SMARCB1: variants seen among roughly 807,000 people sequenced by gnomAD.
The protein encoded by SMARCB1 is SWI/SNF-related matrix-associated actin-dependent regulator of chromatin subfamily B member 1.
In SMARCB1, 5 loss-of-function variants were observed where a neutral mutation model predicts 49.0. That is an observed-to-expected ratio of 0.10 (90% CI 0.05 to 0.21). The LOEUF (loss-of-function observed/expected upper bound fraction) is 0.21. SMARCB1 is among the 10% of genes least tolerant of loss of function. The probability of loss-of-function intolerance (pLI) is 1.00; values close to 1 mark genes in which losing one functional copy is unlikely to be tolerated. For missense variants in SMARCB1, 226 were observed against 509.2 expected (o/e 0.44, Z 5.35); for synonymous variants, 201 against 200.1 (o/e 1.00, Z -0.04).
intron 3 of SMARCB1, among the ~76,000 whole-genome samples, chr22:23,796,754 T>A (rs1157920491): frequency 2.0e-5 from 3 of 152,162 alleles, no homozygotes; most frequent in Non-Finnish European, 4.4e-5. Context: ...ATAAAACAGT[T>A]TCTTGGTGAT....
intron 7 of SMARCB1, among the ~76,000 whole-genome samples, chr22:23,830,688 A>C (rs1370210435): frequency 9.3e-6 from 1 of 108,108 alleles, no homozygotes; most frequent in Admixed American, 1.1e-4. Context: ...TTTTTGAGAC[A>C]GTCTCGCTGT....
chr22:23,807,441 A>G (rs1361795162), intron 5 of SMARCB1, among the ~76,000 whole-genome samples: 1 of 152,142 alleles, frequency 6.6e-6, no homozygotes, highest in African/African-American at 2.4e-5. Flanking sequence ...CAGATGTGGT[A>G]GCACGTGCCT....
intron 4 of SMARCB1, 87 bp downstream of exon 4, chr22:23,801,168 ACT>A: frequency 6.3e-7 from 1 of 1,597,978 alleles, no homozygotes; most frequent in Non-Finnish European, 8.6e-7. Context: ...CCAGAAAAAC[ACT>A]CTGCTTTGAC....
Position 23,834,778 on chromosome 22 carries a change from GCTCT to G in SMARCB1, c.*601_*604del. The stretch of plus-strand genomic sequence containing the variant: ...GTAGCTGTGAGGCTCAGGGCAAGAG[GCTCT>G]CTGCCTTTCAGGAACAGCCCTAACC... On this transcript the variant is annotated 3_prime_UTR_variant, in exon 9 of 9. Transcript: ENST00000644036. The G allele has an allele frequency of 6.4e-7, 1 of 1,565,488 alleles. No individual in the cohort carries two copies. The highest frequency in any genetic ancestry group is 2.2e-5 in the East Asian group (1 of 44,454).
At chr22:23,826,533 G>A (rs1045455744) in intron 7 of SMARCB1, among the ~76,000 whole-genome samples, 1 of 152,084 alleles carries the variant, frequency 6.6e-6, no homozygotes, top group African/African-American at 2.4e-5. Flanking sequence ...GGATGGGGTG[G>A]GGGTGCAGCA....
chr22:23,793,733 T>G (rs1015557290), intron 3 of SMARCB1, 45 bp downstream of exon 3: 6 of 1,605,078 alleles, frequency 3.7e-6, no homozygotes, highest in Non-Finnish European at 5.1e-6. Flanking sequence ...ACCTGTGGGG[T>G]CTTTTCTGAG....
intron 7 of SMARCB1, among the ~76,000 whole-genome samples, chr22:23,831,599 G>A (rs977903189): frequency 6.6e-6 from 1 of 152,190 alleles, no homozygotes; most frequent in Non-Finnish European, 1.5e-5. Context: ...CATGGTTGGT[G>A]CGAGCATTTC....
intron 7 of SMARCB1, among the ~76,000 whole-genome samples, chr22:23,829,214 A>G (rs1601438635): frequency 6.6e-6 from 1 of 152,298 alleles, no homozygotes; most frequent in South Asian, 2.1e-4. Flanking sequence ...ATTCATGTGC[A>G]TGACTATCAG....
intron 3 of SMARCB1, among the ~76,000 whole-genome samples, chr22:23,797,617 T>C (rs1329760200): frequency 8.6e-6 from 1 of 116,774 alleles, no homozygotes; most frequent in African/African-American, 3.2e-5. Flanking sequence ...GCCTTTTTTT[T>C]TTTTTTTTTT....
rs908777294 is a variant in SMARCB1, at chr22:23,817,344, A to G, written c.795+408A>G. The G allele has an allele frequency of 1.7e-5, 5 of 298,708 alleles. 1 individual carries two copies. Among genetic ancestry groups the G allele is most frequent in the Middle Eastern group, 2.2e-3 (2 of 894 alleles). 18.5% of individuals were successfully genotyped at this position (298,708 alleles called of 1,614,324 possible). Reference sequence around the variant, plus strand: ...GCTGAGATCACCTGCGGAAGTTGCAAACTGGCCAGTTGAGAAATGGTGAGG... The same window carrying G: ...GCTGAGATCACCTGCGGAAGTTGCAGACTGGCCAGTTGAGAAATGGTGAGG... On this transcript the variant is annotated intron_variant, in intron 6 of 8. Coordinates refer to ENST00000644036, the MANE Select transcript of SMARCB1 (RefSeq NM_003073.5).
chr22:23,837,534 G>A lies in SMARCB1; in HGVS notation c.*3354G>A. ...AGCACAGCAGCTGGGAGGGCAGGAA[G>A]ATGGGGATGGAGCCAGGTGTGAGGA... is the stretch of plus-strand genomic sequence containing the variant. On this transcript the variant is annotated 3_prime_UTR_variant, in exon 9 of 9. Transcript: ENST00000644036. 9.8e-7 allele frequency: 1 copy of A among 1,018,384 alleles called. No homozygotes were observed. The highest frequency in any genetic ancestry group is 2.6e-5 in the East Asian group (1 of 38,260). The allele number at this position is 1,018,384 out of a possible 1,614,324, so 63.1% of individuals were successfully genotyped here. A position where few individuals can be genotyped will look rare whatever the true frequency, so the allele number is the denominator to read the frequency against.
Position 23,836,977 on chromosome 22 carries a change from C to A in SMARCB1, c.*2797C>A. 6.2e-7 allele frequency: 1 copy of A among 1,604,618 alleles called. No individual in the cohort carries two copies. The highest frequency in any genetic ancestry group is 8.5e-7 in the Non-Finnish European group (1 of 1,175,722). The stretch of plus-strand genomic sequence containing the variant: ...GGAGCAGCTTTCTGTGGGGAGGGGC[C>A]CGTGTTGAGCACAGGCCAGCACAGG... On this transcript the variant is annotated 3_prime_UTR_variant, in exon 9 of 9. Coordinates refer to ENST00000644036, the MANE Select transcript of SMARCB1 (RefSeq NM_003073.5).
chr22:23,813,036 T>C (rs1601417431), intron 5 of SMARCB1, among the ~76,000 whole-genome samples: 1 of 152,254 alleles, frequency 6.6e-6, no homozygotes, highest in South Asian at 2.1e-4. Flanking sequence ...CAGCTAACTT[T>C]TTGTATTTTT....
At chr22:23,834,025 C>G (rs888277362) in intron 8 of SMARCB1, 116 bp from the exon 9 acceptor site, 1 of 1,138,518 alleles carries the variant, frequency 8.8e-7, no homozygotes, top group Admixed American at 2.0e-5. Flanking sequence ...TGCTGGGGGC[C>G]CACATCCTGC....
In SMARCB1 at chr22:23,837,960, T is replaced by C. The variant is rs1298662293; in HGVS notation, c.*3780T>C. On this transcript the variant is annotated 3_prime_UTR_variant, in exon 9 of 9. Coordinates refer to ENST00000644036, the MANE Select transcript of SMARCB1 (RefSeq NM_003073.5). The stretch of plus-strand genomic sequence containing the variant: ...TTCCCCTCATCTCCCCTATGTGCTA[T>C]TCCCTCATCAAGATGAGCCAGTCCA... 6 of 1,288,374 alleles carry C rather than the reference T, an allele frequency of 4.7e-6. No individual in the cohort carries two copies. The East Asian group carries it at 1.5e-4, about 33-fold the overall frequency. The allele number at this position is 1,288,374 out of a possible 1,614,324, so 79.8% of individuals were successfully genotyped here. A position where few individuals can be genotyped will look rare whatever the true frequency, so the allele number is the denominator to read the frequency against.
chr22:23,797,290 G>A (rs1282228539), intron 3 of SMARCB1, among the ~76,000 whole-genome samples: 6 of 145,566 alleles, frequency 4.1e-5, no homozygotes, highest in African/African-American at 1.6e-4. Flanking sequence ...GAGCCACCGG[G>A]CCTGGCCTGT....
intron 3 of SMARCB1, among the ~76,000 whole-genome samples, chr22:23,799,526 T>TG (rs1228201680): frequency 2.0e-5 from 3 of 148,232 alleles, no homozygotes; most frequent in Non-Finnish European, 3.0e-5. Flanking sequence ...TTTTTTTTTT[T>TG]TTTGAGATGG....
In SMARCB1 at chr22:23,808,446, C is replaced by T. The variant is rs148746856; in HGVS notation, c.628+5024C>T. 4.1e-3 allele frequency among the ~76,000 whole-genome samples: 616 copies of T among 150,748 alleles called. 1 individual carries two copies. Among genetic ancestry groups the T allele is most frequent in the African/African-American group, 9.7e-3 (397 of 40,986 alleles). On this transcript the variant is annotated intron_variant, in intron 5 of 8. Coordinates refer to ENST00000644036, the MANE Select transcript of SMARCB1 (RefSeq NM_003073.5). The stretch of plus-strand genomic sequence containing the variant: ...AATTTTTTGTATTTTTTAGTAGAGA[C>T]GGGGTTTCACCGTGTTAGCCAGGAT...
In SMARCB1 at chr22:23,837,344, G is replaced by A; in HGVS notation, c.*3164G>A. The A allele has an allele frequency of 1.3e-6, 1 of 766,508 alleles. No homozygotes were observed. Among genetic ancestry groups the A allele is most frequent in the Non-Finnish European group, 2.1e-6 (1 of 475,584 alleles). 47.5% of individuals were successfully genotyped at this position (766,508 alleles called of 1,614,324 possible). ...GACAAGCTTAAAAGGCCCAGAAGCA[G>A]GCAGGACCCAGGGAGGGGAGGGCCT... On this transcript the variant is annotated 3_prime_UTR_variant, in exon 9 of 9. Coordinates refer to ENST00000644036, the MANE Select transcript of SMARCB1 (RefSeq NM_003073.5).
Sources: gnomAD v4.1 joint callset for allele counts (sites outside exome capture counted in the v4.1 genomes callset) on GRCh38, gnomAD v4.1.1 for gene constraint, MANE v1.5 for transcripts, NCBI Gene and HGNC (gene_info 2026-07-23, HGNC 2026-07-21) for gene names.